Variants in TIMMDC1 observed in about 807,000 individuals in gnomAD.
The protein encoded by TIMMDC1 is translocase of inner mitochondrial membrane domain containing 1.
A neutral mutation model predicts 32.6 loss-of-function variants in TIMMDC1; 25 were observed. That is an observed-to-expected ratio of 0.77 (90% CI 0.56 to 1.07). TIMMDC1 has a LOEUF of 1.07. Among genes scored for constraint, TIMMDC1 ranks in the 50% least tolerant of loss-of-function variants. The pLI, the probability that TIMMDC1 is intolerant of heterozygous loss-of-function variation, is 0.00. For synonymous variants in TIMMDC1, 130 were observed against 127.6 expected (o/e 1.02, Z -0.13); for missense variants, 329 against 349.2 (o/e 0.94, Z 0.46).
In TIMMDC1 at chr3:119,523,992, CAA is replaced by C; in HGVS notation, c.*237_*238del. ...CATACTTATGTTTGTATTAATCTATCAATATATGCATACATGAATATATCCAC... is the reference window on the plus strand; with the variant it reads ...CATACTTATGTTTGTATTAATCTATCTATATGCATACATGAATATATCCAC... On this transcript the variant is annotated 3_prime_UTR_variant, in exon 7 of 7. Transcript: ENST00000494664. 1 of 355,796 alleles carries C rather than the reference CAA, an allele frequency of 2.8e-6. No homozygotes were observed. Among genetic ancestry groups the C allele is most frequent in the Admixed American group, 4.2e-5 (1 of 23,582 alleles). The allele number at this position is 355,796 out of a possible 1,614,324, so 22.0% of individuals were successfully genotyped here.
At chr3:119,522,804 TTG>T (rs71156752) in intron 6 of TIMMDC1, among the ~76,000 whole-genome samples, 2,754 of 148,532 alleles carry the variant, frequency 0.019, 24 homozygotes, top group East Asian at 0.026. Context: ...GTATGGGTGT[TTG>T]TGTGTGTGTG....
At chr3:119,513,917 A>G (rs952977315) in intron 5 of TIMMDC1, among the ~76,000 whole-genome samples, 198 bp downstream of exon 5, 2 of 152,172 alleles carry the variant, frequency 1.3e-5, no homozygotes, top group South Asian at 4.1e-4. Flanking sequence ...GTTTTTATTT[A>G]TAGTTTCTTT....
At chr3:119,508,650 T>C (rs2081933871) in intron 4 of TIMMDC1, among the ~76,000 whole-genome samples, 1 of 152,216 alleles carries the variant, frequency 6.6e-6, no homozygotes, top group Admixed American at 6.5e-5. Flanking sequence ...ATGAGGGAGC[T>C]CTTGCTCTAG....
At chr3:119,503,509 C>T (rs1345874408) in intron 2 of TIMMDC1, 23 bp from the exon 3 acceptor site, 3 of 1,570,552 alleles carry the variant, frequency 1.9e-6, no homozygotes, top group Non-Finnish European at 2.6e-6. Flanking sequence ...CTTAGAACCT[C>T]ACAGTTTTTT....
chr3:119,502,177 C>T (rs951155456), intron 2 of TIMMDC1, among the ~76,000 whole-genome samples: 4 of 152,030 alleles, frequency 2.6e-5, no homozygotes, highest in African/African-American at 9.7e-5. Flanking sequence ...TATCTAAAAA[C>T]TATTCTAAAT....
rs2082046707 is a variant in TIMMDC1 at position 119,523,733 on chromosome 3, A to G, written c.835A>G (p.Ile279Val). The stretch of plus-strand genomic sequence containing the variant: ...AAACCTTCCTAGAAACCCTTCAGTA[A>G]TAGATAAACAAGACAAGGACTGAAA... ...LLNLPRNPSVIDKQDKD is the reference protein window; with the variant it reads ...LLNLPRNPSVVDKQDKD Residue 279 changes from isoleucine to valine, a missense_variant, in exon 7 of 7, where the codon ATA (isoleucine) becomes GTA (valine). Transcript: ENST00000494664. 4 of 1,609,550 alleles carry G rather than the reference A, an allele frequency of 2.5e-6. No homozygotes were observed. Among genetic ancestry groups the G allele is most frequent in the Non-Finnish European group, 3.4e-6 (4 of 1,178,332 alleles).
intron 6 of TIMMDC1, among the ~76,000 whole-genome samples, chr3:119,521,228 C>T (rs2082024651): frequency 6.6e-6 from 1 of 152,078 alleles, no homozygotes; most frequent in African/African-American, 2.4e-5. Context: ...ATTAGAAATC[C>T]TAGCCAGAGC....
chr3:119,500,391 A>G (rs2081862208), intron 1 of TIMMDC1: 1 of 233,832 alleles, frequency 4.3e-6, no homozygotes, highest in African/African-American at 2.3e-5. Context: ...CAAACTGAAC[A>G]TAGCTGTACC....
chr3:119,514,340 G>A (rs61285380), intron 5 of TIMMDC1, among the ~76,000 whole-genome samples: 27 of 151,990 alleles, frequency 1.8e-4, no homozygotes, highest in African/African-American at 5.8e-4. Context: ...TTTTCTTTCC[G>A]TTTGCTTCTT....
At chr3:119,505,492 A>C (rs2081912497) in intron 4 of TIMMDC1, among the ~76,000 whole-genome samples, 1 of 151,898 alleles carries the variant, frequency 6.6e-6, no homozygotes, top group Non-Finnish European at 1.5e-5. Flanking sequence ...CAGCCTCCCT[A>C]GTAGCTGGGA....
At chr3:119,519,654 G>A (rs903869987) in intron 6 of TIMMDC1, among the ~76,000 whole-genome samples, 1 of 152,106 alleles carries the variant, frequency 6.6e-6, no homozygotes, top group East Asian at 1.9e-4. Flanking sequence ...AAACCCTAAT[G>A]TAATAATAGC....
Position 119,523,857 on chromosome 3 carries a change from T to A in TIMMDC1, c.*101T>A, listed in dbSNP as rs1266459925. On this transcript the variant is annotated 3_prime_UTR_variant, in exon 7 of 7. Coordinates refer to ENST00000494664, the MANE Select transcript of TIMMDC1 (RefSeq NM_016589.4). ...CTCTTTGGTCAGCCTGCTGACAAAT[T>A]TAAGTGCTGGTACCTGTGGTGGCAG... The A allele has an allele frequency of 7.9e-7, 1 of 1,262,640 alleles. No homozygotes were observed. The highest frequency in any genetic ancestry group is 1.5e-5 in the African/African-American group (1 of 66,556). The allele number at this position is 1,262,640 out of a possible 1,614,324, so 78.2% of individuals were successfully genotyped here.
In TIMMDC1 at chr3:119,519,811, C is replaced by A. The variant is rs535028726; in HGVS notation, c.707+2496C>A. 2.6e-5 allele frequency among the ~76,000 whole-genome samples: 4 copies of A among 152,234 alleles called. No homozygotes were observed. The South Asian group carries it at 8.3e-4, about 32-fold the overall frequency. ...TCACATCCAACAGCTGCAAAATACA[C>A]GTTTTTCTTATCTTGAAGTGTTCTT... On this transcript the variant is annotated intron_variant, in intron 6 of 6. Transcript: ENST00000494664.
At position 119,523,555 on chromosome 3, in the gene TIMMDC1, G is replaced by C. The variant is rs773375420; in HGVS notation, c.708-51G>C. On this transcript the variant is annotated intron_variant, in intron 6 of 6. Coordinates refer to ENST00000494664, the MANE Select transcript of TIMMDC1 (RefSeq NM_016589.4). The stretch of plus-strand genomic sequence containing the variant: ...TATCCTTTTTGTTTTAAATCTGTAA[G>C]AACTAAAGAAATGGAGCAGTATTTG... 4.0e-6 allele frequency: 6 copies of C among 1,488,934 alleles called. No homozygotes were observed. The African/African-American group carries it at 5.7e-5, about 14-fold the overall frequency. The allele number at this position is 1,488,934 out of a possible 1,614,324, so 92.2% of individuals were successfully genotyped here.
intron 4 of TIMMDC1, among the ~76,000 whole-genome samples, chr3:119,509,511 C>A (rs772073809): frequency 2.6e-5 from 4 of 152,066 alleles, no homozygotes; most frequent in Non-Finnish European, 5.9e-5. Context: ...TTGTATAATT[C>A]TATTCATATG....
intron 4 of TIMMDC1, among the ~76,000 whole-genome samples, chr3:119,508,359 T>C (rs2081931399): frequency 6.6e-6 from 1 of 152,254 alleles, no homozygotes; most frequent in Admixed American, 6.5e-5. Context: ...GGTGTGATTC[T>C]CTGTATTTAT....
At chr3:119,520,953 T>C (rs1267857125) in intron 6 of TIMMDC1, among the ~76,000 whole-genome samples, 1 of 152,146 alleles carries the variant, frequency 6.6e-6, no homozygotes, top group Non-Finnish European at 1.5e-5. Flanking sequence ...ATAAATGTGT[T>C]ACATCATATA....
intron 4 of TIMMDC1, among the ~76,000 whole-genome samples, chr3:119,505,619 G>A (rs2081913855): frequency 6.6e-6 from 1 of 152,094 alleles, no homozygotes; most frequent in Admixed American, 6.6e-5. Context: ...CGCCCATCTC[G>A]GCCTCTCAGA....
intron 5 of TIMMDC1, 133 bp downstream of exon 5, chr3:119,513,852 G>C (rs116035926): frequency 2.4e-5 from 14 of 574,986 alleles, no homozygotes; most frequent in Non-Finnish European, 3.6e-5. Flanking sequence ...TCTTGCATTG[G>C]CAGTAGCTTT....
Sources: allele counts gnomAD v4.1 joint callset (sites outside exome capture counted in the v4.1 genomes callset), GRCh38; gene constraint gnomAD v4.1.1; transcripts MANE v1.5; gene names NCBI Gene and HGNC (gene_info 2026-07-23, HGNC 2026-07-21).